The following CCDC15 variants were observed in gnomAD, a reference collection of about 807,000 sequenced individuals.
CCDC15 encodes coiled-coil domain-containing protein 15.
Under a neutral mutation model 114.5 loss-of-function variants are expected in CCDC15, and 105 were observed. That is an observed-to-expected ratio of 0.92 (90% CI 0.78 to 1.08). CCDC15 has a LOEUF of 1.08. Among genes scored for constraint, CCDC15 ranks in the 50% least tolerant of loss-of-function variants. The pLI is 0.00. For missense variants in CCDC15, 1,105 were observed against 1,093.6 expected (o/e 1.01, Z -0.15); for synonymous variants, 334 against 377.8 (o/e 0.88, Z 1.34).
chr11:125,017,907 T>G (rs1948638792), intron 13 of CCDC15, among the ~76,000 whole-genome samples: 2 of 152,118 alleles, frequency 1.3e-5, no homozygotes, highest in Admixed American at 6.6e-5. Context: ...GAAAATATTT[T>G]TTTACAGCTG....
intron 4 of CCDC15, among the ~76,000 whole-genome samples, chr11:124,963,813 T>C (rs1267051598): frequency 1.3e-5 from 2 of 152,244 alleles, no homozygotes; most frequent in Non-Finnish European, 2.9e-5. Context: ...TTGAATTAAC[T>C]TTTGTATAAG....
Position 125,005,131 on chromosome 11 carries a change from A to C in CCDC15, c.2330A>C (p.His777Pro). ...KKERQKQYLR[H>P]RRLFMDIERE... ...TAGCGTCAAAAGCAGTACCTGAGAC[A>C]TAGACGACTTTTCATGGATATTGAG... is the stretch of plus-strand genomic sequence containing the variant. Residue 777 changes from histidine (H) to proline (P), a missense_variant, in exon 13 of 16, where the codon CAT (histidine) becomes CCT (proline). Coordinates refer to ENST00000344762, the MANE Select transcript of CCDC15 (RefSeq NM_025004.3). The C allele has an allele frequency of 6.4e-7, 1 of 1,552,232 alleles. No individual in the cohort carries two copies. Among genetic ancestry groups the C allele is most frequent in the Non-Finnish European group, 8.8e-7 (1 of 1,140,776 alleles).
intron 6 of CCDC15, among the ~76,000 whole-genome samples, chr11:124,984,520 G>A (rs1022777322): frequency 3.3e-5 from 5 of 152,228 alleles, no homozygotes; most frequent in African/African-American, 1.2e-4. Context: ...AGCAAGGTGG[G>A]CCTTGGGGGA....
At chr11:125,010,201 A>G (rs1320404410) in intron 13 of CCDC15, among the ~76,000 whole-genome samples, 1 of 152,064 alleles carries the variant, frequency 6.6e-6, no homozygotes, top group East Asian at 1.9e-4. Flanking sequence ...TTTTACTAAT[A>G]TCTGTTTTGA....
intron 7 of CCDC15, 33 bp downstream of exon 7, chr11:124,986,921 A>G (rs1466838520): frequency 1.1e-5 from 17 of 1,514,786 alleles, no homozygotes; most frequent in Non-Finnish European, 1.5e-5. Flanking sequence ...ATTAATTGTG[A>G]TTTGGACTAG....
chr11:124,959,251 A>T lies in CCDC15; in HGVS notation c.314A>T (p.Lys105Met), dbSNP rs777191391. ...TTGAGAAAAAAGCAACAGCTTCAGAAGTCTTATGAAAGAGTAAGTTCAAAA... is the reference window on the plus strand; with the variant it reads ...TTGAGAAAAAAGCAACAGCTTCAGATGTCTTATGAAAGAGTAAGTTCAAAA... ...IRLRKKQQLQ[K>M]SYERAQKEGS... is the part of the protein sequence containing the mutation. Residue 105 changes from lysine to methionine, a missense_variant, in exon 3 of 16, where the codon AAG becomes ATG. Transcript: ENST00000344762. 24 of 1,577,476 alleles carry T rather than the reference A, an allele frequency of 1.5e-5. No individual in the cohort carries two copies. In the East Asian group the frequency reaches 5.0e-4, roughly 33 times the overall value.
intron 13 of CCDC15, among the ~76,000 whole-genome samples, chr11:125,035,000 C>G (rs1291938623): frequency 6.6e-6 from 1 of 152,064 alleles, no homozygotes; most frequent in African/African-American, 2.4e-5. Flanking sequence ...AGGCCATTTG[C>G]AAGCTGAGGA....
At chr11:124,970,714 G>A (rs569947104) in intron 4 of CCDC15, among the ~76,000 whole-genome samples, 74 of 152,008 alleles carry the variant, frequency 4.9e-4, no homozygotes, top group African/African-American at 1.8e-3. Context: ...TTCTTGATTG[G>A]CTAAAAAATT....
intron 6 of CCDC15, among the ~76,000 whole-genome samples, chr11:124,985,057 G>A (rs576307752): frequency 1.3e-5 from 2 of 152,208 alleles, no homozygotes; most frequent in South Asian, 4.1e-4. Flanking sequence ...CCTTTTGTCT[G>A]TATAGGTTTA....
At chr11:125,031,526 C>T (rs528760386) in intron 13 of CCDC15, among the ~76,000 whole-genome samples, 1 of 152,314 alleles carries the variant, frequency 6.6e-6, no homozygotes, top group South Asian at 2.1e-4. Flanking sequence ...TCATGATAGG[C>T]AGTTCAGGTT....
intron 13 of CCDC15, among the ~76,000 whole-genome samples, chr11:125,024,139 TA>T (rs1948679752): frequency 6.6e-6 from 1 of 152,088 alleles, no homozygotes; most frequent in Non-Finnish European, 1.5e-5. Context: ...CATTCATCTC[TA>T]TATATGCATG....
chr11:124,971,804 T>C (rs1947887211), intron 4 of CCDC15, among the ~76,000 whole-genome samples: 1 of 152,206 alleles, frequency 6.6e-6, no homozygotes, highest in Admixed American at 6.5e-5. Context: ...TGTCTTTTGG[T>C]GTTAATATTC....
chr11:124,964,709 G>C (rs1947739161), intron 4 of CCDC15, among the ~76,000 whole-genome samples: 2 of 152,168 alleles, frequency 1.3e-5, no homozygotes, highest in African/African-American at 2.4e-5. Context: ...GGGCATCGCT[G>C]TCTTGTGCCA....
At chr11:125,008,343 C>T (rs925354839) in intron 13 of CCDC15, among the ~76,000 whole-genome samples, 3 of 152,162 alleles carry the variant, frequency 2.0e-5, no homozygotes, top group East Asian at 1.9e-4. Flanking sequence ...GCTGGTATAT[C>T]GGAAAGTGAT....
At chr11:125,040,149 G>A (rs907401603) in intron 15 of CCDC15, among the ~76,000 whole-genome samples, 2 of 151,688 alleles carry the variant, frequency 1.3e-5, no homozygotes, top group Non-Finnish European at 2.9e-5. Context: ...GGGTTCAAGC[G>A]CCTCAGCCTA....
rs530864836 is a variant in CCDC15 at position 124,988,509 on chromosome 11, G to T, written c.1908+375G>T. Among the ~76,000 whole-genome samples the T allele has an allele frequency of 2.5e-4, 38 of 152,272 alleles. 1 individual carries two copies. In the South Asian group the frequency reaches 7.7e-3, roughly 31 times the overall value. On this transcript the variant is annotated intron_variant, in intron 8 of 15. Coordinates refer to ENST00000344762, the MANE Select transcript of CCDC15 (RefSeq NM_025004.3). ...TTGTTATCTGCTGACTAATCAGGGT[G>T]GTGATTACTGATGTTTGGGGTGGCT...
At chr11:125,001,585 A>G (rs962609475) in intron 11 of CCDC15, among the ~76,000 whole-genome samples, 14 of 152,152 alleles carry the variant, frequency 9.2e-5, no homozygotes, top group Non-Finnish European at 2.1e-4. Flanking sequence ...GTCCTATGCA[A>G]CCACTAAGCT....
At chr11:125,011,897 A>T (rs1363295337) in intron 13 of CCDC15, among the ~76,000 whole-genome samples, 3 of 152,222 alleles carry the variant, frequency 2.0e-5, no homozygotes, top group Non-Finnish European at 2.9e-5. Context: ...ATGCAGGAAC[A>T]TGAGTGGAGA....
Position 124,993,156 on chromosome 11 carries a change from G to A in CCDC15, c.2140-13G>A. 1 of 1,554,386 alleles carries A rather than the reference G, an allele frequency of 6.4e-7. No homozygotes were observed. Among genetic ancestry groups the A allele is most frequent in the Non-Finnish European group, 8.8e-7 (1 of 1,131,218 alleles). Reference sequence around the variant, plus strand: ...GCTTAGACAATCAGTTTTGTATTTTGTTGTTCCTTTAGAACAAGCATATCA... The same window carrying A: ...GCTTAGACAATCAGTTTTGTATTTTATTGTTCCTTTAGAACAAGCATATCA... On this transcript the variant is annotated splice_polypyrimidine_tract_variant and intron_variant, in intron 10 of 15. Transcript: ENST00000344762.
Sources: gnomAD v4.1 joint callset for allele counts (sites outside exome capture counted in the v4.1 genomes callset) on GRCh38, gnomAD v4.1.1 for gene constraint, MANE v1.5 for transcripts, NCBI Gene and HGNC (gene_info 2026-07-23, HGNC 2026-07-21) for gene names.